The following MASP1 variants were observed in gnomAD, a reference collection of about 807,000 sequenced individuals.
The protein encoded by MASP1 is MBL associated serine protease 1, also known as mannan-binding lectin serine protease 1.
In MASP1, 59 loss-of-function variants were observed where a neutral mutation model predicts 77.1. That is an observed-to-expected ratio of 0.77 (90% CI 0.62 to 0.95). The LOEUF (loss-of-function observed/expected upper bound fraction) is 0.95. Ranked by LOEUF, MASP1 falls within the 40% of genes least tolerant of loss-of-function variation. The pLI is 0.00. For missense variants in MASP1, 885 were observed against 912.9 expected (o/e 0.97, Z 0.39); for synonymous variants, 362 against 354.5 (o/e 1.02, Z -0.24).
At chr3:187,255,103 C>A (rs1305127587) in intron 5 of MASP1, among the ~76,000 whole-genome samples, 2 of 152,066 alleles carry the variant, frequency 1.3e-5, no homozygotes, top group Non-Finnish European at 1.5e-5. Flanking sequence ...TAAAGTTATT[C>A]ATTAGTTGAC....
rs73191721 is a variant in MASP1 at position 187,266,931 on chromosome 3, C to T, written c.238-4211G>A. ...TACTCTAGGGAAGGACAGCTACTCT[C>T]GCTATGTATGGCTGCTCTCTGCATG... On this transcript the variant is annotated intron_variant, in intron 2 of 10. Transcript: ENST00000296280. Among the ~76,000 whole-genome samples the T allele has an allele frequency of 7.6e-4, 115 of 152,316 alleles. 1 individual carries two copies. Among genetic ancestry groups the T allele is most frequent in the South Asian group, 1.2e-3 (6 of 4,832 alleles).
intron 2 of MASP1, among the ~76,000 whole-genome samples, chr3:187,267,672 G>A (rs949313247): frequency 6.6e-6 from 1 of 152,194 alleles, no homozygotes; most frequent in Non-Finnish European, 1.5e-5. Context: ...ATACTTTCAG[G>A]TGAAACCACA....
intron 8 of MASP1, among the ~76,000 whole-genome samples, chr3:187,245,215 A>G (rs2108528224): frequency 6.6e-6 from 1 of 152,372 alleles, no homozygotes; most frequent in Middle Eastern, 3.4e-3. Flanking sequence ...TTTAAATACT[A>G]TGAACAGTTT....
Position 187,256,677 on chromosome 3 carries a change from T to C in MASP1, c.731A>G (p.Tyr244Cys), listed in dbSNP as rs28945071. Residue 244 changes from tyrosine (Y) to cysteine (C), a missense_variant, in exon 5 of 11, where the codon TAT becomes TGT. Physicochemically the swap from Tyr to Cys is radical, Grantham distance 194. Transcript: ENST00000296280. ...IEDHPEVPCP[Y>C]DYIKIKVGPK... ...TTGCAGGCTCACCTTGATGTAGTCA[T>C]AGGGGCAGGGCACCTCAGGATGGTC... 4.2e-4 allele frequency: 670 copies of C among 1,614,012 alleles called. No homozygotes were observed. The highest frequency in any genetic ancestry group is 5.5e-4 in the Non-Finnish European group (648 of 1,180,016).
At chr3:187,244,315 T>C (rs574526194) in intron 8 of MASP1, 1 of 155,208 alleles carries the variant, frequency 6.4e-6, no homozygotes, top group Admixed American at 6.3e-5. Flanking sequence ...TAAAGATGCC[T>C]GCTCCTCAGA....
intron 8 of MASP1, among the ~76,000 whole-genome samples, chr3:187,247,665 C>T (rs1205202153): frequency 6.6e-6 from 1 of 152,166 alleles, no homozygotes; most frequent in Non-Finnish European, 1.5e-5. Flanking sequence ...GGAGCTTTGC[C>T]TGCATCTGGT....
At chr3:187,260,454 C>A (rs933843016) in intron 4 of MASP1, among the ~76,000 whole-genome samples, 2 of 152,154 alleles carry the variant, frequency 1.3e-5, no homozygotes, top group African/African-American at 2.4e-5. Context: ...CTTGACCAGA[C>A]CAATTGCCTA....
intron 14 of MASP1, among the ~76,000 whole-genome samples, chr3:187,222,739 T>G (rs1362532777): frequency 2.0e-5 from 3 of 151,716 alleles, no homozygotes; most frequent in Non-Finnish European, 2.9e-5. Flanking sequence ...AACTGCCAAG[T>G]TCATTACTGC....
At chr3:187,268,239 T>C (rs1458393973) in intron 2 of MASP1, among the ~76,000 whole-genome samples, 1 of 152,194 alleles carries the variant, frequency 6.6e-6, no homozygotes, top group Non-Finnish European at 1.5e-5. Context: ...CTCAGAAATT[T>C]GGGAGGCCAA....
chr3:187,240,853 C>A (rs947791375), intron 10 of MASP1, among the ~76,000 whole-genome samples: 1 of 152,236 alleles, frequency 6.6e-6, no homozygotes, highest in African/African-American at 2.4e-5. Flanking sequence ...CCAGGCTGGT[C>A]TTGAACTCCT....
At chr3:187,261,812 G>A (rs1414652202) in intron 3 of MASP1, among the ~76,000 whole-genome samples, 1 of 152,136 alleles carries the variant, frequency 6.6e-6, no homozygotes, top group African/African-American at 2.4e-5. Context: ...TAAAAAATGG[G>A]GAGATTCCAA....
Position 187,236,051 on chromosome 3 carries a change from C to A in MASP1, c.1820G>T (p.Ser607Ile). The A allele has an allele frequency of 6.2e-7, 1 of 1,614,150 alleles. No homozygotes were observed. The highest frequency in any genetic ancestry group is 8.5e-7 in the Non-Finnish European group (1 of 1,180,052). ...ATCTGACAAGGTCCGTGTGCCACTG[C>A]TGATGATCTCATCCACTGTCACATT... is the stretch of plus-strand genomic sequence containing the variant. ...NPNVTVDEII[S>I]SGTRTLSDVL... The change falls in exon 11 of 11, where the codon AGC (serine) becomes ATC (isoleucine). Residue 607 changes from serine to isoleucine, a missense_variant. Ser to Ile is a moderately radical substitution (Grantham distance 142, BLOSUM62 -2). Transcript: ENST00000296280.
At chr3:187,269,475 G>T (rs887919906) in intron 2 of MASP1, among the ~76,000 whole-genome samples, 1 of 152,066 alleles carries the variant, frequency 6.6e-6, no homozygotes, top group Non-Finnish European at 1.5e-5. Flanking sequence ...TACAAACATG[G>T]GCCATTTCTT....
intron 1 of MASP1, among the ~76,000 whole-genome samples, chr3:187,288,985 G>A (rs1211694886): frequency 6.6e-6 from 1 of 152,126 alleles, no homozygotes; most frequent in South Asian, 2.1e-4. Context: ...TTGCGTTAGG[G>A]GCTGTAAATT....
At chr3:187,271,135 A>C (rs1716485552) in intron 2 of MASP1, among the ~76,000 whole-genome samples, 1 of 152,236 alleles carries the variant, frequency 6.6e-6, no homozygotes. Flanking sequence ...CTGGGGCCTC[A>C]AAAGTCACCT....
intron 8 of MASP1, chr3:187,244,569 T>C (rs1024075255): frequency 2.0e-5 from 3 of 152,212 alleles, no homozygotes; most frequent in Admixed American, 1.3e-4. Flanking sequence ...AAACCTGAAG[T>C]AGGCAATCTA....
intron 2 of MASP1, among the ~76,000 whole-genome samples, chr3:187,272,849 G>A (rs1716634322): frequency 1.3e-5 from 2 of 152,148 alleles, no homozygotes; most frequent in South Asian, 2.1e-4. Flanking sequence ...CAGCCACCTA[G>A]TTTGTGGACA....
chr3:187,282,085 T>A (rs570660958), intron 2 of MASP1, among the ~76,000 whole-genome samples: 1 of 152,218 alleles, frequency 6.6e-6, no homozygotes, highest in South Asian at 2.1e-4. Context: ...AGCAGCAAGA[T>A]TCAAGCCATA....
At chr3:187,237,755 A>T (rs1713300177) in intron 10 of MASP1, among the ~76,000 whole-genome samples, 1 of 152,202 alleles carries the variant, frequency 6.6e-6, no homozygotes, top group African/African-American at 2.4e-5. Flanking sequence ...TGGGTCTTGG[A>T]GGTAGACCTA....
Sources: allele counts gnomAD v4.1 joint callset (sites outside exome capture counted in the v4.1 genomes callset), GRCh38; gene constraint gnomAD v4.1.1; transcripts MANE v1.5; gene names NCBI Gene and HGNC (gene_info 2026-07-23, HGNC 2026-07-21).